The following CDH23 variants were observed in gnomAD, a reference collection of about 807,000 sequenced individuals.
CDH23 encodes cadherin-23.
A neutral mutation model predicts 317.1 loss-of-function variants in CDH23; 189 were observed. The observed-to-expected ratio is 0.60, with a 90% confidence interval of 0.53 to 0.67. The LOEUF is 0.67. Ranked by LOEUF, CDH23 falls within the 30% of genes least tolerant of loss-of-function variation. The pLI, the probability that CDH23 is intolerant of heterozygous loss-of-function variation, is 0.00. For synonymous variants in CDH23, 1,839 were observed against 1,876.8 expected (o/e 0.98, Z 0.52); for missense variants, 4,401 against 4,592.4 (o/e 0.96, Z 1.20).
At position 71,810,003 on chromosome 10, in the gene CDH23, G is replaced by A. The variant is rs934357818; in HGVS notation, c.8906G>A (p.Arg2969His). ...ATTAACGAGATCCCCGACCGTGTGC[G>A]CGGCTTCGAGGAGGAGTTCATCCAC... ...IVINEIPDRV[R>H]GFEEEFIHLL... Residue 2969 changes from arginine to histidine, a missense_variant, in exon 61 of 70, where the codon CGC becomes CAC. Around this residue, in one of 3 missense-constraint regions of CDH23, gnomAD observed 1,144 missense variants for 1,138.2 expected, o/e 1.01. Transcript: ENST00000224721. The A allele has an allele frequency of 2.1e-5, 34 of 1,612,262 alleles. No individual in the cohort carries two copies. The highest frequency in any genetic ancestry group is 2.4e-5 in the Non-Finnish European group (28 of 1,179,898).
At chr10:71,773,527 G>A in intron 38 of CDH23, 2 of 1,295,344 alleles carry the variant, frequency 1.5e-6, no homozygotes, top group Non-Finnish European at 2.1e-6. Context: ...GACTGAGTGC[G>A]AGCGAGTGAG....
intron 38 of CDH23, among the ~76,000 whole-genome samples, chr10:71,742,862 A>G (rs1187342715): frequency 6.6e-6 from 1 of 152,222 alleles, no homozygotes; most frequent in Non-Finnish European, 1.5e-5. Context: ...CAATCTGGAC[A>G]TGGCTTAGCC....
At chr10:71,705,391 C>G (rs1414920322) in intron 25 of CDH23, among the ~76,000 whole-genome samples, 1 of 152,196 alleles carries the variant, frequency 6.6e-6, no homozygotes, top group Admixed American at 6.5e-5. Context: ...TCAACCCCAC[C>G]CCTCCTAGCC....
intron 14 of CDH23, among the ~76,000 whole-genome samples, chr10:71,664,674 T>G (rs114338063): frequency 0.017 from 2,523 of 152,366 alleles, 68 homozygotes; most frequent in African/African-American, 0.058. Flanking sequence ...AGCACCTGTG[T>G]GCATTACCTT....
intron 3 of CDH23, among the ~76,000 whole-genome samples, chr10:71,485,023 CTTTTTTTTTTTT>C (rs56153129): frequency 9.1e-6 from 1 of 110,152 alleles, no homozygotes; most frequent in African/African-American, 3.6e-5. Context: ...TTTCTTTTTT[CTTTTTTTTTTTT>C]TTTTTTTGTG....
chr10:71,741,129 G>C (rs1839721852), intron 37 of CDH23, among the ~76,000 whole-genome samples, 179 bp downstream of exon 37: 1 of 152,228 alleles, frequency 6.6e-6, no homozygotes, highest in Admixed American at 6.5e-5. Flanking sequence ...CTAGAATGCA[G>C]TATCTTTTTG....
intron 11 of CDH23, among the ~76,000 whole-genome samples, chr10:71,642,021 G>A (rs1862575477): frequency 6.6e-6 from 1 of 152,116 alleles, no homozygotes; most frequent in Admixed American, 6.6e-5. Flanking sequence ...GCTTGAACCT[G>A]GGAAGTAGAG....
chr10:71,637,525 A>T (rs1422133174), intron 11 of CDH23, among the ~76,000 whole-genome samples: 4 of 152,190 alleles, frequency 2.6e-5, no homozygotes, highest in Non-Finnish European at 4.4e-5. Flanking sequence ...AGGCTCAAGG[A>T]TATAAAATTG....
At chr10:71,401,724 C>G (rs1417130440) in intron 1 of CDH23, among the ~76,000 whole-genome samples, 2 of 152,116 alleles carry the variant, frequency 1.3e-5, no homozygotes, top group African/African-American at 4.8e-5. Flanking sequence ...GGGCAAAACC[C>G]ATCTACGTGA....
At chr10:71,526,620 C>A (rs947546112) in intron 6 of CDH23, among the ~76,000 whole-genome samples, 16 of 152,142 alleles carry the variant, frequency 1.1e-4, no homozygotes, top group Non-Finnish European at 1.6e-4. Context: ...CCAGGATTCA[C>A]AAATGATAAA....
At chr10:71,446,446 C>T (rs1589319706) in intron 3 of CDH23, 51 bp downstream of exon 3, 4 of 1,539,240 alleles carry the variant, frequency 2.6e-6, no homozygotes, top group Non-Finnish European at 2.7e-6. Flanking sequence ...GGGTGCAATC[C>T]CTTCCCACAA....
chr10:71,628,537 C>T (rs368749045), intron 11 of CDH23, among the ~76,000 whole-genome samples: 13 of 152,080 alleles, frequency 8.5e-5, no homozygotes, highest in Non-Finnish European at 1.2e-4. Context: ...CTTGCTCTGT[C>T]GCCCATGCTG....
chr10:71,586,930 T>C (rs747441558), intron 9 of CDH23, among the ~76,000 whole-genome samples: 4 of 152,256 alleles, frequency 2.6e-5, no homozygotes, highest in Non-Finnish European at 4.4e-5. Flanking sequence ...CATGGGAGAA[T>C]ACTGTAGTTT....
At chr10:71,492,190 C>T (rs958174458) in intron 3 of CDH23, among the ~76,000 whole-genome samples, 9 of 152,142 alleles carry the variant, frequency 5.9e-5, no homozygotes, top group Non-Finnish European at 1.3e-4. Context: ...TCTGGGCAGC[C>T]CCTTGGCTAA....
chr10:71,467,085 A>C (rs1851290214), intron 3 of CDH23, among the ~76,000 whole-genome samples: 1 of 152,076 alleles, frequency 6.6e-6, no homozygotes, highest in Non-Finnish European at 1.5e-5. Flanking sequence ...TCCGCAGAGG[A>C]TGCTAGCAAG....
At chr10:71,403,146 A>C (rs551532985) in intron 1 of CDH23, among the ~76,000 whole-genome samples, 19 of 151,930 alleles carry the variant, frequency 1.3e-4, no homozygotes, top group Admixed American at 1.1e-3. Context: ...ACAAAAAACA[A>C]CAACCAAAAA....
Position 71,446,462 on chromosome 10 carries a change from G to A in CDH23, c.145+67G>A. The A allele has an allele frequency of 2.7e-6, 4 of 1,473,632 alleles. No individual in the cohort carries two copies. The Admixed American group carries it at 6.7e-5, about 25-fold the overall frequency. The allele number at this position is 1,473,632 out of a possible 1,614,324, so 91.3% of individuals were successfully genotyped here. On this transcript the variant is annotated intron_variant, in intron 3 of 69. Coordinates refer to ENST00000224721, the MANE Select transcript of CDH23 (RefSeq NM_022124.6). The stretch of plus-strand genomic sequence containing the variant: ...GGTGCAATCCCTTCCCACAAGTGAA[G>A]GGGATCTTACAGGTTGAGGTCATCT...
At chr10:71,694,381 G>A (rs1865297448) in intron 21 of CDH23, 122 bp downstream of exon 21, 3 of 758,282 alleles carry the variant, frequency 4.0e-6, no homozygotes, top group Admixed American at 2.4e-5. Context: ...TGAGCAAGGG[G>A]GCGAAAATGA....
At position 71,777,771 on chromosome 10, in the gene CDH23, G is replaced by A. The variant is rs759019656; in HGVS notation, c.4937G>A (p.Gly1646Asp). Residue 1646 changes from glycine to aspartate, a missense_variant, in exon 39 of 70, where the codon GGC becomes GAC. Physicochemically the swap from Gly to Asp is moderately conservative, Grantham distance 94. Around this residue, in one of 3 missense-constraint regions of CDH23, gnomAD observed 3,068 missense variants for 3,203.3 expected, o/e 0.96. Coordinates refer to ENST00000224721, the MANE Select transcript of CDH23 (RefSeq NM_022124.6). ...CACTATGAGGTGCTGCTGGATGAGG[G>A]CCCAGACACGCTCAACACCAGCCTC... ...QPHYEVLLDE[G>D]PDTLNTSLIT... The A allele has an allele frequency of 4.3e-6, 7 of 1,613,556 alleles. No homozygotes were observed. Among genetic ancestry groups the A allele is most frequent in the Non-Finnish European group, 5.9e-6 (7 of 1,179,726 alleles).
Sources: allele counts gnomAD v4.1 joint callset (sites outside exome capture counted in the v4.1 genomes callset), GRCh38; gene constraint gnomAD v4.1.1; regional missense constraint gnomAD v4.1.1; transcripts MANE v1.5; gene names NCBI Gene and HGNC (gene_info 2026-07-23, HGNC 2026-07-21).